The following RPS6KA2 variants were observed in gnomAD, a reference collection of about 807,000 sequenced individuals.
The protein encoded by RPS6KA2 is ribosomal protein S6 kinase A2.
A neutral mutation model predicts 91.8 loss-of-function variants in RPS6KA2; 42 were observed. The ratio of observed to expected loss-of-function variants is 0.46; its 90% CI spans 0.36 to 0.59. RPS6KA2 has a LOEUF of 0.59. Ranked by LOEUF, RPS6KA2 falls within the 20% of genes least tolerant of loss-of-function variation. RPS6KA2 has a pLI of 0.00. For synonymous variants in RPS6KA2, 414 were observed against 393.6 expected, an observed-to-expected ratio of 1.05 and a Z score of -0.61; for missense variants, 798 against 978.5, an observed-to-expected ratio of 0.82 and a Z score of 2.46.
At chr6:166,541,593 C>T (rs1378713247) in intron 1 of RPS6KA2, among the ~76,000 whole-genome samples, 1 of 152,184 alleles carries the variant, frequency 6.6e-6, no homozygotes, top group Non-Finnish European at 1.5e-5. Flanking sequence ...TTCCCCTGCT[C>T]CCAGTCAGCC....
intron 2 of RPS6KA2, among the ~76,000 whole-genome samples, chr6:166,538,274 T>C (rs1178122426): frequency 1.3e-5 from 2 of 152,302 alleles, no homozygotes; most frequent in Admixed American, 1.3e-4. Context: ...ATGGATTCTT[T>C]TCTTTTCTTT....
chr6:166,488,838 C>T lies in RPS6KA2; in HGVS notation c.902G>A (p.Arg301Gln), dbSNP rs757007952. ...GGTGTCCCGGGGAATCTTACCCAGC[C>T]GGTTGCAGGGGTTCCGTTTGAAGAG... Reference protein sequence around the residue: ...RALFKRNPCNRLGAGIDGVEE... With the variant: ...RALFKRNPCNQLGAGIDGVEE... The change falls in exon 10 of 21, where the codon CGG becomes CAG. Residue 301 changes from arginine to glutamine, a missense_variant. Transcript: ENST00000265678. The T allele has an allele frequency of 3.1e-6, 5 of 1,612,164 alleles. No homozygotes were observed. In the Admixed American group the frequency reaches 5.0e-5, roughly 16 times the overall value.
chr6:166,590,201 C>T (rs1785311414), intron 1 of RPS6KA2, among the ~76,000 whole-genome samples: 1 of 152,152 alleles, frequency 6.6e-6, no homozygotes, highest in Non-Finnish European at 1.5e-5. Flanking sequence ...TGTTGTTTTG[C>T]TTATACTTTT....
At chr6:166,559,136 C>A (rs764238675) in intron 1 of RPS6KA2, among the ~76,000 whole-genome samples, 1 of 152,004 alleles carries the variant, frequency 6.6e-6, no homozygotes, top group African/African-American at 2.4e-5. Flanking sequence ...TATGACACAC[C>A]GGAACTACTG....
intron 2 of RPS6KA2, among the ~76,000 whole-genome samples, chr6:166,647,398 T>C (rs1787639866): frequency 6.6e-6 from 1 of 152,188 alleles, no homozygotes. Context: ...AGTTCTCTGC[T>C]GGTGGGGATG....
chr6:166,577,901 C>G (rs538069753), intron 1 of RPS6KA2, among the ~76,000 whole-genome samples: 2 of 152,260 alleles, frequency 1.3e-5, no homozygotes, highest in South Asian at 4.1e-4. Context: ...GGAGAGGGAC[C>G]TGATGGGAGA....
Position 166,448,117 on chromosome 6 carries a change from T to C in RPS6KA2, c.1332+607A>G, listed in dbSNP as rs547465548. On this transcript the variant is annotated intron_variant, in intron 14 of 20. Transcript: ENST00000265678. The surrounding 1 kb of genome is among the most constrained non-coding windows in gnomAD (Gnocchi z 4.7). ...AAGTTACTATGTAGAGATTGCCAAA[T>C]TGGGTTACAAAGAATTGTTTCTCTA... Among the ~76,000 whole-genome samples the C allele has an allele frequency of 2.0e-5, 3 of 152,350 alleles. No homozygotes were observed. Among genetic ancestry groups the C allele is most frequent in the African/African-American group, 7.2e-5 (3 of 41,576 alleles).
At chr6:166,450,811 C>T (rs927019546) in intron 13 of RPS6KA2, among the ~76,000 whole-genome samples, 5 of 151,728 alleles carry the variant, frequency 3.3e-5, no homozygotes, top group Admixed American at 6.6e-5. Context: ...GGGACCGTCA[C>T]AGGGACCACC....
In RPS6KA2 at chr6:166,849,081, C is replaced by T. The variant is rs1397832776; in HGVS notation, c.123+9119G>A. Reference sequence around the variant, plus strand: ...CTCTCCACATGCATCTCAGGCCAGCCTGGGCAGCCCCAGGCCTGCACATGG... The same window carrying T: ...CTCTCCACATGCATCTCAGGCCAGCTTGGGCAGCCCCAGGCCTGCACATGG... On this transcript the variant is annotated intron_variant, in intron 2 of 21. Coordinates refer to the RPS6KA2 transcript ENST00000503859. The surrounding 1 kb of genome is among the most constrained non-coding windows in gnomAD (Gnocchi z 4.9). Among the ~76,000 whole-genome samples, 1 of 152,144 alleles carries T rather than the reference C, an allele frequency of 6.6e-6. No homozygotes were observed. Among genetic ancestry groups the T allele is most frequent in the Non-Finnish European group, 1.5e-5 (1 of 68,016 alleles).
In RPS6KA2 at chr6:166,430,611, C is replaced by T. The variant is rs370360100; in HGVS notation, c.1423G>A (p.Val475Ile). 1.2e-6 allele frequency: 2 copies of T among 1,610,884 alleles called. No individual in the cohort carries two copies. The highest frequency in any genetic ancestry group is 1.7e-6 in the Non-Finnish European group (2 of 1,177,858). ...QHPNIITLKD[V>I]YDDGKFVYLV... ...TACACAAACTTGCCATCATCATAGA[C>T]CTGCGGAGTGGAGAAGGGGCGCACA... Residue 475 changes from valine (V) to isoleucine (I), a missense_variant and splice_region_variant, in exon 16 of 21, where the codon GTC becomes ATC. Transcript: ENST00000265678.
rs540392975 is a variant in RPS6KA2 at position 166,475,337 on chromosome 6, C to T, written c.908-5432G>A. On this transcript the variant is annotated intron_variant, in intron 10 of 20. Transcript: ENST00000265678. ...ACCACACCCACTGCGTACTCCCGAG[C>T]GTGGCCCGGCCCCTGGCTGCTCTGT... 5.3e-3 allele frequency among the ~76,000 whole-genome samples: 813 copies of T among 152,334 alleles called. 11 individuals carry two copies. Among genetic ancestry groups the T allele is most frequent in the African/African-American group, 0.019 (769 of 41,564 alleles).
intron 1 of RPS6KA2, among the ~76,000 whole-genome samples, chr6:166,564,021 G>C (rs1030080282): frequency 1.3e-5 from 2 of 152,202 alleles, no homozygotes; most frequent in Non-Finnish European, 2.9e-5. Context: ...CTTGCTCACT[G>C]AGTAGGAACA....
At chr6:166,525,428 C>CT (rs58237412) in intron 3 of RPS6KA2, among the ~76,000 whole-genome samples, 1,552 of 152,266 alleles carry the variant, frequency 0.01, 33 homozygotes, top group African/African-American at 0.035. Flanking sequence ...GTGTGGCCCC[C>CT]TCAGCAGCTG....
At chr6:166,579,247 T>C (rs1784934201) in intron 1 of RPS6KA2, among the ~76,000 whole-genome samples, 1 of 152,180 alleles carries the variant, frequency 6.6e-6, no homozygotes, top group South Asian at 2.1e-4. Flanking sequence ...GCCATTATGA[T>C]AAAATGTCAT....
intron 2 of RPS6KA2, among the ~76,000 whole-genome samples, chr6:166,839,689 A>AGGGGAGGGGACGG (rs1306436538): frequency 4.4e-4 from 3 of 6,786 alleles, no homozygotes; most frequent in Non-Finnish European, 1.0e-3. Context: ...GCAGGAGAGG[A>AGGGGAGGGGACGG]GAGGGGAGGA....
intron 2 of RPS6KA2, among the ~76,000 whole-genome samples, chr6:166,696,627 G>C (rs142688687): frequency 6.6e-6 from 1 of 152,172 alleles, no homozygotes; most frequent in Non-Finnish European, 1.5e-5. Context: ...TACTGGTCAG[G>C]GTTATTATGA....
At chr6:166,586,459 C>A (rs1394545907) in intron 1 of RPS6KA2, 4 of 1,598,832 alleles carry the variant, frequency 2.5e-6, no homozygotes, top group Non-Finnish European at 3.4e-6. Flanking sequence ...TTTGGAACAG[C>A]TTCGGCAGTG....
At chr6:166,478,163 G>A (rs766310138) in intron 10 of RPS6KA2, among the ~76,000 whole-genome samples, 3 of 152,198 alleles carry the variant, frequency 2.0e-5, no homozygotes, top group African/African-American at 2.4e-5. Flanking sequence ...GTTACCATGC[G>A]TCACCTCAGA....
chr6:166,693,231 G>C (rs1789260289), intron 2 of RPS6KA2, among the ~76,000 whole-genome samples: 1 of 152,244 alleles, frequency 6.6e-6, no homozygotes, highest in Admixed American at 6.5e-5. Context: ...GCAGCGATTG[G>C]ATTTTGCCTC....
Sources: gnomAD v4.1 joint callset for allele counts (sites outside exome capture counted in the v4.1 genomes callset) on GRCh38, gnomAD v4.1.1 for gene constraint, Gnocchi (gnomAD v3.1) non-coding constraint, MANE v1.5 for transcripts, NCBI Gene and HGNC (gene_info 2026-07-23, HGNC 2026-07-21) for gene names.